The following GRM1 variants were observed in gnomAD, a reference collection of about 807,000 sequenced individuals.
GRM1 encodes the protein glutamate metabotropic receptor 1, also known as metabotropic glutamate receptor 1.
A neutral mutation model predicts 90.9 loss-of-function variants in GRM1; 33 were observed. That is an observed-to-expected ratio of 0.36 (90% CI 0.28 to 0.49). The LOEUF is 0.49. GRM1 is among the 20% of genes least tolerant of loss of function. The probability of loss-of-function intolerance (pLI) is 0.99; values close to 1 mark genes in which losing one functional copy is unlikely to be tolerated. For synonymous variants in GRM1, 700 were observed against 613.2 expected (o/e 1.14, Z -2.09); for missense variants, 1,190 against 1,534.3 (o/e 0.78, Z 3.75).
At chr6:146,370,846 T>C (rs1348236891) in intron 5 of GRM1, among the ~76,000 whole-genome samples, 2 of 152,060 alleles carry the variant, frequency 1.3e-5, no homozygotes, top group Non-Finnish European at 2.9e-5. Context: ...GTAATCAAGA[T>C]TCGTGTAATT....
chr6:146,048,980 G>C (rs1047425545), intron 1 of GRM1, among the ~76,000 whole-genome samples: 1 of 151,836 alleles, frequency 6.6e-6, no homozygotes, highest in African/African-American at 2.4e-5. Flanking sequence ...CAGCCCTAGA[G>C]AACTAATACA....
intron 1 of GRM1, among the ~76,000 whole-genome samples, chr6:146,157,144 A>G (rs1777551842): frequency 6.6e-6 from 1 of 152,194 alleles, no homozygotes; most frequent in African/African-American, 2.4e-5. Flanking sequence ...AAAATTTCTC[A>G]GGATTGAGTC....
intron 2 of GRM1, among the ~76,000 whole-genome samples, chr6:146,226,603 G>T (rs1780248523): frequency 6.6e-6 from 1 of 152,074 alleles, no homozygotes; most frequent in Non-Finnish European, 1.5e-5. Flanking sequence ...AATTGGGTGT[G>T]CATTATTTCT....
chr6:146,307,559 A>G (rs1214787161), intron 3 of GRM1, among the ~76,000 whole-genome samples: 3 of 152,182 alleles, frequency 2.0e-5, no homozygotes, highest in Non-Finnish European at 4.4e-5. Context: ...CTTTCACTTC[A>G]TGTATTATTC....
intron 5 of GRM1, among the ~76,000 whole-genome samples, chr6:146,359,526 G>A (rs569126164): frequency 1.3e-5 from 2 of 152,138 alleles, no homozygotes; most frequent in East Asian, 1.9e-4. Flanking sequence ...GGTTATATAT[G>A]GAAAAAATAA....
At chr6:146,145,259 G>A (rs956824845) in intron 1 of GRM1, among the ~76,000 whole-genome samples, 8 of 152,192 alleles carry the variant, frequency 5.3e-5, no homozygotes, top group Admixed American at 2.0e-4. Flanking sequence ...ACCATATGGT[G>A]AAGATATTAG....
At chr6:146,167,525 T>C (rs746868586) in intron 2 of GRM1, among the ~76,000 whole-genome samples, 1 of 152,154 alleles carries the variant, frequency 6.6e-6, no homozygotes, top group Non-Finnish European at 1.5e-5. Context: ...ATGAGAGTTC[T>C]AATTCCTCCA....
At chr6:146,290,720 T>G (rs1178283662) in intron 2 of GRM1, among the ~76,000 whole-genome samples, 2 of 152,192 alleles carry the variant, frequency 1.3e-5, no homozygotes, top group African/African-American at 4.8e-5. Context: ...ATAATTTGTT[T>G]TCTAATTTCA....
chr6:146,043,920 A>T (rs1051930251), intron 1 of GRM1, among the ~76,000 whole-genome samples: 1 of 151,374 alleles, frequency 6.6e-6, no homozygotes, highest in African/African-American at 2.4e-5. Context: ...TGGAAACTGG[A>T]GGTATCTTAC....
At chr6:146,183,354 C>T (rs1778615948) in intron 2 of GRM1, among the ~76,000 whole-genome samples, 1 of 152,066 alleles carries the variant, frequency 6.6e-6, no homozygotes, top group Admixed American at 6.5e-5. Flanking sequence ...CAACTAGGAA[C>T]TCTTATATGT....
intron 1 of GRM1, among the ~76,000 whole-genome samples, chr6:146,099,410 C>G (rs1206615061): frequency 6.6e-6 from 1 of 152,038 alleles, no homozygotes; most frequent in Non-Finnish European, 1.5e-5. Context: ...TTAAAACTAC[C>G]CAGACCAAAT....
At chr6:146,354,741 G>A (rs1451011317) in intron 4 of GRM1, among the ~76,000 whole-genome samples, 2 of 152,112 alleles carry the variant, frequency 1.3e-5, no homozygotes, top group Non-Finnish European at 2.9e-5. Context: ...TGCATTGAGA[G>A]GATGTTGTAA....
chr6:146,103,401 G>A (rs1407449597), intron 1 of GRM1, among the ~76,000 whole-genome samples: 2 of 152,084 alleles, frequency 1.3e-5, no homozygotes, highest in South Asian at 2.1e-4. Context: ...GGACACGAAG[G>A]CCCAGCTCTG....
At position 146,334,652 on chromosome 6, in the gene GRM1, T is replaced by C. The variant is rs112262895; in HGVS notation, c.1187-17598T>C. 9.6e-4 allele frequency among the ~76,000 whole-genome samples: 146 copies of C among 152,312 alleles called. 2 individuals are homozygous for C. The Middle Eastern group carries it at 0.031, about 32-fold the overall frequency. On this transcript the variant is annotated intron_variant, in intron 3 of 7. Coordinates refer to ENST00000282753, the MANE Select transcript of GRM1 (RefSeq NM_001278064.2). ...AACTAAGACCAGAATGCAAATCCAC[T>C]GTATTTTCTCCGTACGGGCTTCCCA...
intron 1 of GRM1, among the ~76,000 whole-genome samples, chr6:146,097,853 A>G (rs1235736311): frequency 6.6e-6 from 1 of 152,210 alleles, no homozygotes; most frequent in Non-Finnish European, 1.5e-5. Flanking sequence ...AAATATTCCT[A>G]CAGCATATTA....
chr6:146,093,060 C>G (rs1176244750), intron 1 of GRM1, among the ~76,000 whole-genome samples: 1 of 152,072 alleles, frequency 6.6e-6, no homozygotes. Flanking sequence ...GTATTATTCT[C>G]TAAGTTTTAG....
At chr6:146,388,729 G>C (rs1776599766) in intron 6 of GRM1, among the ~76,000 whole-genome samples, 2 of 152,052 alleles carry the variant, frequency 1.3e-5, no homozygotes. Context: ...GCTCCCGCTG[G>C]AGTGGAACTC....
chr6:146,270,691 C>A (rs1304504144), intron 2 of GRM1, among the ~76,000 whole-genome samples: 1 of 152,112 alleles, frequency 6.6e-6, no homozygotes, highest in East Asian at 1.9e-4. Flanking sequence ...ATTAACTGCC[C>A]TAAACCACTT....
chr6:146,152,331 T>C (rs1347884497), intron 1 of GRM1, among the ~76,000 whole-genome samples: 2 of 151,886 alleles, frequency 1.3e-5, no homozygotes, highest in Admixed American at 6.6e-5. Flanking sequence ...CTTTCCTTCT[T>C]ACTTTTCTGA....
Sources: gnomAD v4.1 joint callset for allele counts (sites outside exome capture counted in the v4.1 genomes callset) on GRCh38, gnomAD v4.1.1 for gene constraint, MANE v1.5 for transcripts, NCBI Gene and HGNC (gene_info 2026-07-23, HGNC 2026-07-21) for gene names.